PRKAR1B: variants seen among roughly 807,000 people sequenced by gnomAD.
PRKAR1B encodes cAMP-dependent protein kinase type I-beta regulatory subunit.
Under a neutral mutation model 46.5 loss-of-function variants are expected in PRKAR1B, and 22 were observed. That is an observed-to-expected ratio of 0.47 (90% CI 0.34 to 0.68). The LOEUF (loss-of-function observed/expected upper bound fraction) is 0.68, where lower values mean the gene tolerates loss of function less well. Ranked by LOEUF, PRKAR1B falls within the 30% of genes least tolerant of loss-of-function variation. PRKAR1B has a pLI of 0.01. For missense variants in PRKAR1B, 445 were observed against 535.6 expected (o/e 0.83, Z 1.67); for synonymous variants, 259 against 217.7 (o/e 1.19, Z -1.67).
intron 2 of PRKAR1B, among the ~76,000 whole-genome samples, chr7:690,123 C>G (rs183672455): frequency 1.3e-5 from 2 of 151,860 alleles, no homozygotes; most frequent in African/African-American, 4.8e-5. Context: ...ATGGTGAAAC[C>G]CCGTCTCTAC....
At chr7:610,346 C>T (rs1220619048) in intron 4 of PRKAR1B, among the ~76,000 whole-genome samples, 1 of 152,186 alleles carries the variant, frequency 6.6e-6, no homozygotes, top group Non-Finnish European at 1.5e-5. Flanking sequence ...TTTCCACACA[C>T]CCAGGTGCCT....
At chr7:675,081 C>G (rs1354986738) in intron 4 of PRKAR1B, among the ~76,000 whole-genome samples, 4 of 152,212 alleles carry the variant, frequency 2.6e-5, no homozygotes, top group Non-Finnish European at 4.4e-5. Context: ...AGTCTCCTGC[C>G]TAACCACAGC....
At chr7:658,946 T>C (rs1785353039) in intron 4 of PRKAR1B, among the ~76,000 whole-genome samples, 1 of 152,202 alleles carries the variant, frequency 6.6e-6, no homozygotes, top group Admixed American at 6.5e-5. Context: ...CCACCGTGCC[T>C]GGCCTAATGT....
chr7:704,998 A>C lies in PRKAR1B; in HGVS notation c.177+6331T>G, dbSNP rs182376730. Among the ~76,000 whole-genome samples the C allele has an allele frequency of 5.7e-4, 86 of 151,218 alleles. No homozygotes were observed. In the East Asian group the frequency reaches 0.013, roughly 23 times the overall value. ...TTTAGTCATCAGGAAATGTAAAATA[A>C]AACCACTTTAGGGCCGGGCGCAGTG... On this transcript the variant is annotated intron_variant, in intron 2 of 10. Coordinates refer to ENST00000537384, the MANE Select transcript of PRKAR1B (RefSeq NM_001164760.2).
chr7:610,664 G>A (rs1019304219), intron 4 of PRKAR1B, among the ~76,000 whole-genome samples: 5 of 152,048 alleles, frequency 3.3e-5, no homozygotes, highest in South Asian at 2.1e-4. Context: ...TGTCCCCCCC[G>A]CACGGCTTCA....
intron 4 of PRKAR1B, among the ~76,000 whole-genome samples, chr7:631,231 G>T (rs558835074): frequency 1.3e-5 from 2 of 152,220 alleles, no homozygotes; most frequent in African/African-American, 2.4e-5. Context: ...GATGACAGGC[G>T]TGAGCCGCCG....
chr7:612,124 A>AATGG (rs371388280), intron 4 of PRKAR1B, among the ~76,000 whole-genome samples: 7 of 139,998 alleles, frequency 5.0e-5, no homozygotes, highest in Admixed American at 3.5e-4. Flanking sequence ...TGAGTAGATT[A>AATGG]ATGGATGGAT....
chr7:712,251 G>A (rs1298476790), intron 1 of PRKAR1B, among the ~76,000 whole-genome samples: 4 of 147,490 alleles, frequency 2.7e-5, no homozygotes, highest in Non-Finnish European at 6.0e-5. Context: ...CGGCCTCAGC[G>A]CCGGCGAGGA....
chr7:652,231 C>G (rs111479150), intron 4 of PRKAR1B, among the ~76,000 whole-genome samples: 16,449 of 105,472 alleles, frequency 0.16, 1,019 homozygotes, highest in South Asian at 0.29. Flanking sequence ...CCTCTCGGAA[C>G]ACAGTTCACA....
intron 9 of PRKAR1B, among the ~76,000 whole-genome samples, chr7:571,850 C>T (rs976868080): frequency 6.6e-6 from 1 of 152,232 alleles, no homozygotes; most frequent in Non-Finnish European, 1.5e-5. Context: ...GGTGAGGTGA[C>T]GGAACAGCTG....
At chr7:576,343 T>A (rs1379851898) in intron 9 of PRKAR1B, among the ~76,000 whole-genome samples, 1 of 152,208 alleles carries the variant, frequency 6.6e-6, no homozygotes, top group Non-Finnish European at 1.5e-5. Context: ...GCCTGTGGTT[T>A]CATCCTTTCC....
chr7:728,084 G>T (rs1284420375), upstream of PRKAR1B, among the ~76,000 whole-genome samples: 1 of 152,088 alleles, frequency 6.6e-6, no homozygotes, highest in African/African-American at 2.4e-5. Flanking sequence ...GTGGAAGGAG[G>T]CCGCTTCTCC....
At chr7:643,931 T>C (rs1784509647) in intron 4 of PRKAR1B, among the ~76,000 whole-genome samples, 1 of 152,096 alleles carries the variant, frequency 6.6e-6, no homozygotes. Flanking sequence ...CACACCAGCC[T>C]TTCCAGCTGA....
chr7:566,664 T>C (rs112005800), intron 9 of PRKAR1B, among the ~76,000 whole-genome samples: 1 of 8 alleles, frequency 0.12, no homozygotes. Context: ...ATCATCACCA[T>C]CACCTTCATC....
chr7:669,297 TAGAA>T (rs1355230426), intron 4 of PRKAR1B, among the ~76,000 whole-genome samples: 2 of 152,062 alleles, frequency 1.3e-5, no homozygotes, highest in Non-Finnish European at 2.9e-5. Context: ...GGCAAGCTCA[TAGAA>T]AGAGAAAGTA....
In PRKAR1B at chr7:693,665, G is replaced by GT. The variant is rs138403110; in HGVS notation, c.178-12940dup. 7.3e-3 allele frequency among the ~76,000 whole-genome samples: 1,107 copies of GT among 152,296 alleles called. 12 individuals carry two copies. Among genetic ancestry groups the GT allele is most frequent in the African/African-American group, 0.025 (1,053 of 41,550 alleles). ...CCTCTCGAGCTGACGGACGTGCGAGGTTTTCACATCGTGGCTCCTGTAAGC... is the reference window on the plus strand; with the variant it reads ...CCTCTCGAGCTGACGGACGTGCGAGGTTTTTCACATCGTGGCTCCTGTAAGC... On this transcript the variant is annotated intron_variant, in intron 2 of 10. Coordinates refer to ENST00000537384, the MANE Select transcript of PRKAR1B (RefSeq NM_001164760.2).
At chr7:665,216 G>A (rs1447760341) in intron 4 of PRKAR1B, among the ~76,000 whole-genome samples, 1 of 152,176 alleles carries the variant, frequency 6.6e-6, no homozygotes, top group African/African-American at 2.4e-5. Context: ...CTCTTAAAAA[G>A]GTTGTTGTCT....
chr7:718,253 GATACAC>G (rs1166150462), intron 1 of PRKAR1B, among the ~76,000 whole-genome samples: 8 of 90,720 alleles, frequency 8.8e-5, no homozygotes, highest in African/African-American at 2.7e-4. Context: ...AAGCTTTATA[GATACAC>G]ACACACACAC....
chr7:597,804 C>G (rs547889557), intron 6 of PRKAR1B, among the ~76,000 whole-genome samples: 4 of 152,256 alleles, frequency 2.6e-5, no homozygotes, highest in Non-Finnish European at 5.9e-5. Flanking sequence ...GGCCTGGGCA[C>G]AGCCTGGCCT....
Sources: allele counts gnomAD v4.1 joint callset (sites outside exome capture counted in the v4.1 genomes callset), GRCh38; gene constraint gnomAD v4.1.1; transcripts MANE v1.5; gene names NCBI Gene and HGNC (gene_info 2026-07-23, HGNC 2026-07-21).